SUGCT: variants seen among roughly 807,000 people sequenced by gnomAD.
SUGCT encodes the protein succinyl-CoA:glutarate-CoA transferase.
Under a neutral mutation model 55.0 loss-of-function variants are expected in SUGCT, and 41 were observed. The ratio of observed to expected loss-of-function variants is 0.74; its 90% CI spans 0.58 to 0.97. SUGCT has a LOEUF of 0.97. SUGCT is among the 50% of genes least tolerant of loss of function. The pLI is 0.00. For synonymous variants in SUGCT, 187 were observed against 200.4 expected (o/e 0.93, Z 0.56); for missense variants, 568 against 547.8 (o/e 1.04, Z -0.37).
chr7:40,812,363 G>T (rs1791466493), intron 13 of SUGCT, among the ~76,000 whole-genome samples: 1 of 152,146 alleles, frequency 6.6e-6, no homozygotes, highest in South Asian at 2.1e-4. Flanking sequence ...GGCTTTTTCT[G>T]ATTGGTAGTT....
chr7:40,555,922 C>T (rs1795537498), intron 12 of SUGCT, among the ~76,000 whole-genome samples: 1 of 152,022 alleles, frequency 6.6e-6, no homozygotes. Flanking sequence ...AAAACATTTG[C>T]TGTTACTCTT....
chr7:40,664,947 T>A, intron 12 of SUGCT, among the ~76,000 whole-genome samples: 1 of 146,000 alleles, frequency 6.8e-6, no homozygotes, highest in East Asian at 2.1e-4. Flanking sequence ...GCCACTGCAC[T>A]CCAGCCTGGG....
chr7:40,815,634 T>G (rs1051530494), intron 13 of SUGCT, among the ~76,000 whole-genome samples: 2 of 152,110 alleles, frequency 1.3e-5, no homozygotes, highest in Admixed American at 6.5e-5. Context: ...AGAAAGGGCC[T>G]CTCTGCATCT....
chr7:40,345,212 C>G (rs1330025056), intron 9 of SUGCT, among the ~76,000 whole-genome samples: 1 of 151,210 alleles, frequency 6.6e-6, no homozygotes, highest in Non-Finnish European at 1.5e-5. Flanking sequence ...AGTGCTTGAG[C>G]ATTCCAGTCA....
chr7:40,428,050 T>A (rs1008284641), intron 9 of SUGCT, among the ~76,000 whole-genome samples: 1 of 152,208 alleles, frequency 6.6e-6, no homozygotes, highest in African/African-American at 2.4e-5. Context: ...TTCCTTTTGC[T>A]CCATCAGTGC....
the SUGCT span, among the ~76,000 whole-genome samples, chr7:41,017,054 T>C: frequency 2.6e-5 from 4 of 152,244 alleles, no homozygotes; most frequent in Admixed American, 6.5e-5. Context: ...TGAGCCACGT[T>C]ACTCAGCCAT....
At chr7:40,441,361 A>G (rs1430983969) in intron 9 of SUGCT, among the ~76,000 whole-genome samples, 2 of 152,118 alleles carry the variant, frequency 1.3e-5, no homozygotes, top group Non-Finnish European at 2.9e-5. Flanking sequence ...TGGCTTTTTA[A>G]GGATCTTAGT....
chr7:40,774,905 A>G (rs1298834713), intron 13 of SUGCT, among the ~76,000 whole-genome samples: 4 of 152,188 alleles, frequency 2.6e-5, no homozygotes, highest in African/African-American at 4.8e-5. Flanking sequence ...AAAGTTAAAT[A>G]AAATTATTCA....
chr7:40,958,546 T>C, the SUGCT span, among the ~76,000 whole-genome samples: 3 of 152,018 alleles, frequency 2.0e-5, no homozygotes, highest in Non-Finnish European at 4.4e-5. Context: ...CTGGTTATTC[T>C]AGTTAGCAGT....
chr7:40,195,680 A>T (rs1374203798), intron 6 of SUGCT, among the ~76,000 whole-genome samples: 8 of 147,152 alleles, frequency 5.4e-5, no homozygotes, highest in African/African-American at 2.0e-4. Flanking sequence ...TAACTCTTGC[A>T]TAGGTGAATT....
At chr7:40,825,727 G>A (rs757182117) in intron 13 of SUGCT, among the ~76,000 whole-genome samples, 1 of 152,076 alleles carries the variant, frequency 6.6e-6, no homozygotes, top group Admixed American at 6.5e-5. Flanking sequence ...TCAGCCATCC[G>A]ACGGTCCAAA....
the SUGCT span, among the ~76,000 whole-genome samples, chr7:40,906,749 G>C: frequency 2.0e-5 from 3 of 152,132 alleles, no homozygotes; most frequent in African/African-American, 7.2e-5. Context: ...TCCTGGAACC[G>C]ATATCCCATG....
chr7:40,368,568 A>G (rs780060875), intron 9 of SUGCT, among the ~76,000 whole-genome samples: 14 of 152,168 alleles, frequency 9.2e-5, no homozygotes, highest in South Asian at 4.1e-4. Flanking sequence ...TAGACTTGGA[A>G]TCTTTTGTCT....
chr7:40,316,569 A>G (rs73689583), intron 8 of SUGCT, among the ~76,000 whole-genome samples, 191 bp from the exon 9 acceptor site: 132 of 152,346 alleles, frequency 8.7e-4, no homozygotes, highest in African/African-American at 3.1e-3. Context: ...ACTTAGTCTC[A>G]TGCAATAGTG....
intron 1 of SUGCT, chr7:40,152,789 C>G (rs1788646199): frequency 6.6e-6 from 1 of 152,656 alleles, no homozygotes; most frequent in Non-Finnish European, 1.5e-5. Context: ...CAAACTCCAC[C>G]TCCCTGGTTC....
Position 40,409,014 on chromosome 7 carries a change from T to G in SUGCT, c.817-40273T>G, listed in dbSNP as rs372115504. Among the ~76,000 whole-genome samples, 6 of 152,302 alleles carry G rather than the reference T, an allele frequency of 3.9e-5. No individual in the cohort carries two copies. The East Asian group carries it at 1.2e-3, about 29-fold the overall frequency. Reference sequence around the variant, plus strand: ...GTGTCGCCTGGGCTGGAAGCTGTGGTGCAGTCATGGCTCACTTGCAGCTTC... The same window carrying G: ...GTGTCGCCTGGGCTGGAAGCTGTGGGGCAGTCATGGCTCACTTGCAGCTTC... On this transcript the variant is annotated intron_variant, in intron 9 of 13. Coordinates refer to ENST00000335693, the MANE Select transcript of SUGCT (RefSeq NM_001193313.2).
At chr7:40,337,717 G>T (rs1015072873) in intron 9 of SUGCT, among the ~76,000 whole-genome samples, 2 of 152,104 alleles carry the variant, frequency 1.3e-5, no homozygotes, top group African/African-American at 4.8e-5. Context: ...GCCAGTCTGT[G>T]TCTTTTAATT....
intron 12 of SUGCT, among the ~76,000 whole-genome samples, chr7:40,532,777 G>GT (rs1482366725): frequency 4.6e-5 from 7 of 152,058 alleles, no homozygotes; most frequent in Non-Finnish European, 7.4e-5. Flanking sequence ...CCAAACAATA[G>GT]TATCAACACT....
At chr7:41,005,214 G>T in the SUGCT span, among the ~76,000 whole-genome samples, 17 of 152,200 alleles carry the variant, frequency 1.1e-4, no homozygotes, top group East Asian at 2.5e-3. Context: ...TGAGTGAGGA[G>T]ATTTAGTACC....
Sources: gnomAD v4.1 joint callset for allele counts (sites outside exome capture counted in the v4.1 genomes callset) on GRCh38, gnomAD v4.1.1 for gene constraint, MANE v1.5 for transcripts, NCBI Gene and HGNC (gene_info 2026-07-23, HGNC 2026-07-21) for gene names.